The following HIVEP3 variants were observed in gnomAD, a reference collection of about 807,000 sequenced individuals.
HIVEP3 encodes the protein transcription factor HIVEP3.
A neutral mutation model predicts 152.8 loss-of-function variants in HIVEP3; 49 were observed. That is an observed-to-expected ratio of 0.32 (90% CI 0.26 to 0.41). The LOEUF (loss-of-function observed/expected upper bound fraction) is 0.41, where lower values mean the gene tolerates loss of function less well. Among genes scored for constraint, HIVEP3 ranks in the 10% least tolerant of loss-of-function variants. The probability of loss-of-function intolerance (pLI) is 1.00; values close to 1 mark genes in which losing one functional copy is unlikely to be tolerated. For synonymous variants in HIVEP3, 1,269 were observed against 1,289.0 expected, an observed-to-expected ratio of 0.98 and a Z score of 0.33; for missense variants, 2,790 against 3,103.3, an observed-to-expected ratio of 0.90 and a Z score of 2.40.
At chr1:42,016,554 C>A (rs560860081) in intron 1 of HIVEP3, among the ~76,000 whole-genome samples, 5 of 151,614 alleles carry the variant, frequency 3.3e-5, no homozygotes, top group Non-Finnish European at 7.4e-5. Context: ...GATTTTAATA[C>A]ATGCACATAA....
chr1:41,751,962 AC>A (rs1398679943), intron 1 of HIVEP3, among the ~76,000 whole-genome samples: 2 of 152,160 alleles, frequency 1.3e-5, no homozygotes, highest in Admixed American at 6.5e-5. Context: ...CTCCAACATG[AC>A]CCTGTCCATA....
At chr1:41,976,018 A>T (rs1026360670) in intron 1 of HIVEP3, among the ~76,000 whole-genome samples, 4 of 151,832 alleles carry the variant, frequency 2.6e-5, no homozygotes, top group African/African-American at 9.7e-5. Context: ...CCAAACTCAG[A>T]AATTCATCTC....
chr1:41,879,305 G>A (rs746414582), intron 1 of HIVEP3, among the ~76,000 whole-genome samples: 6 of 152,112 alleles, frequency 3.9e-5, no homozygotes, highest in African/African-American at 1.2e-4. Context: ...TGTGCCATTC[G>A]CCAAGGAATA....
At chr1:41,632,709 T>C (rs553384394) in intron 2 of HIVEP3, among the ~76,000 whole-genome samples, 2 of 151,650 alleles carry the variant, frequency 1.3e-5, no homozygotes, top group African/African-American at 2.4e-5. Flanking sequence ...TGAGCCAAGA[T>C]TGTGCCACTG....
At chr1:41,592,339 T>C (rs1031163879) in intron 3 of HIVEP3, among the ~76,000 whole-genome samples, 1 of 152,360 alleles carries the variant, frequency 6.6e-6, no homozygotes, top group East Asian at 1.9e-4. Flanking sequence ...GAAATTGGGC[T>C]GAATGATCTC....
intron 1 of HIVEP3, among the ~76,000 whole-genome samples, chr1:41,702,056 A>C (rs1367656998): frequency 6.6e-6 from 1 of 152,178 alleles, no homozygotes; most frequent in Non-Finnish European, 1.5e-5. Flanking sequence ...CTGAGTCCTC[A>C]AGAGTAAGAT....
At chr1:41,830,135 G>T (rs1447823041) in intron 1 of HIVEP3, among the ~76,000 whole-genome samples, 1 of 152,132 alleles carries the variant, frequency 6.6e-6, no homozygotes, top group Non-Finnish European at 1.5e-5. Flanking sequence ...AAGTATTTTT[G>T]TACAATTCAT....
At chr1:41,636,733 TG>T (rs1645279452) in intron 2 of HIVEP3, among the ~76,000 whole-genome samples, 1 of 152,152 alleles carries the variant, frequency 6.6e-6, no homozygotes, top group Non-Finnish European at 1.5e-5. Context: ...TTTAAAAATG[TG>T]GATCACTTGA....
intron 5 of HIVEP3, among the ~76,000 whole-genome samples, chr1:41,545,177 TACC>T (rs1190001438): frequency 7.5e-5 from 2 of 26,790 alleles, no homozygotes; most frequent in African/African-American, 1.5e-4. Context: ...TCGCTACCAT[TACC>T]ACCATCACCA....
At chr1:41,540,805 G>A (rs1643511433) in intron 5 of HIVEP3, among the ~76,000 whole-genome samples, 1 of 152,156 alleles carries the variant, frequency 6.6e-6, no homozygotes, top group Admixed American at 6.6e-5. Flanking sequence ...AAGCCTGAAT[G>A]GTAGTGAGCT....
intron 1 of HIVEP3, among the ~76,000 whole-genome samples, chr1:41,833,823 G>A: frequency 6.6e-6 from 1 of 152,194 alleles, no homozygotes; most frequent in Non-Finnish European, 1.5e-5. Flanking sequence ...ACCACAAGCT[G>A]ACCATGGTGG....
intron 1 of HIVEP3, among the ~76,000 whole-genome samples, chr1:41,944,119 G>C (rs1557532873): frequency 6.6e-6 from 1 of 152,222 alleles, no homozygotes; most frequent in Non-Finnish European, 1.5e-5. Flanking sequence ...GACTGGGCAG[G>C]AGGTGAGAGG....
At chr1:41,694,604 G>C (rs1313099802) in intron 2 of HIVEP3, among the ~76,000 whole-genome samples, 1 of 152,216 alleles carries the variant, frequency 6.6e-6, no homozygotes, top group Non-Finnish European at 1.5e-5. Context: ...GTGTCAGAAT[G>C]AGAGAAGTGG....
At chr1:41,518,808 G>C (rs1242805490) in intron 6 of HIVEP3, among the ~76,000 whole-genome samples, 2 of 149,350 alleles carry the variant, frequency 1.3e-5, no homozygotes, top group African/African-American at 2.5e-5. Context: ...GACAACTCAA[G>C]TGCAATAGGT....
At position 41,805,655 on chromosome 1, in the gene HIVEP3, G is replaced by A. The variant is rs181615796; in HGVS notation, c.-800-104660C>T. 2.2e-3 allele frequency among the ~76,000 whole-genome samples: 332 copies of A among 152,366 alleles called. 5 individuals carry two copies. The highest frequency in any genetic ancestry group is 7.4e-3 in the African/African-American group (308 of 41,586). ...GAATAAATCACTGCATCCCAGGCAA[G>A]AGGATACGTGACCAAGAGCTGGAGT... On this transcript the variant is annotated intron_variant, in intron 1 of 8. Transcript: ENST00000372583.
At chr1:41,696,705 GC>G (rs1278380677) in intron 2 of HIVEP3, among the ~76,000 whole-genome samples, 2 of 152,032 alleles carry the variant, frequency 1.3e-5, no homozygotes, top group South Asian at 4.2e-4. Flanking sequence ...TGGTTCAATA[GC>G]CCAGCTTGAG....
chr1:41,896,798 T>C (rs1557497433), intron 1 of HIVEP3, among the ~76,000 whole-genome samples: 1 of 151,970 alleles, frequency 6.6e-6, no homozygotes, highest in Non-Finnish European at 1.5e-5. Flanking sequence ...ATAGTCTCAA[T>C]CTCCTGACCT....
intron 1 of HIVEP3, among the ~76,000 whole-genome samples, chr1:41,858,511 C>G (rs1244428386): frequency 2.0e-5 from 3 of 152,144 alleles, no homozygotes; most frequent in African/African-American, 7.2e-5. Context: ...ACACCGACAT[C>G]CCACTTTGGA....
intron 1 of HIVEP3, among the ~76,000 whole-genome samples, chr1:41,858,451 A>C (rs1052020928): frequency 3.3e-5 from 5 of 152,226 alleles, no homozygotes; most frequent in Admixed American, 2.0e-4. Flanking sequence ...CTTCTCAATC[A>C]TAATTTCTTC....
Sources: gnomAD v4.1 joint callset for allele counts (sites outside exome capture counted in the v4.1 genomes callset) on GRCh38, gnomAD v4.1.1 for gene constraint, MANE v1.5 for transcripts, NCBI Gene and HGNC (gene_info 2026-07-23, HGNC 2026-07-21) for gene names.